NOS1: variants seen among roughly 807,000 people sequenced by gnomAD.
NOS1 encodes NOS type I.
Under a neutral mutation model 164.5 loss-of-function variants are expected in NOS1, and 51 were observed. The observed-to-expected ratio is 0.31, with a 90% CI of 0.25 to 0.39. The LOEUF (loss-of-function observed/expected upper bound fraction) is 0.39, where lower values mean the gene tolerates loss of function less well. NOS1 is among the 10% of genes least tolerant of loss of function. NOS1 has a pLI of 1.00. For synonymous variants in NOS1, 719 were observed against 745.8 expected (o/e 0.96, Z 0.59); for missense variants, 1,362 against 1,885.6 (o/e 0.72, Z 5.14).
chr12:117,309,392 G>A, intron 3 of NOS1: 1 of 985,302 alleles, frequency 1.0e-6, no homozygotes, highest in Non-Finnish European at 1.2e-6. Flanking sequence ...CAAGGCTCTA[G>A]AATGTCTCAT....
chr12:117,251,022 C>T (rs1245787565), intron 17 of NOS1, among the ~76,000 whole-genome samples: 3 of 152,142 alleles, frequency 2.0e-5, no homozygotes, highest in African/African-American at 4.8e-5. Context: ...GAAACCTAAC[C>T]CCCAATGTCA....
intron 3 of NOS1, among the ~76,000 whole-genome samples, chr12:117,308,529 C>A (rs61938728): frequency 0.28 from 42,023 of 151,196 alleles, 7,384 homozygotes; most frequent in Middle Eastern, 0.4. Context: ...CAGAGCAAGA[C>A]CTGTCTCTAA....
At position 117,319,163 on chromosome 12, in the gene NOS1, T is replaced by C. The variant is rs9658290; in HGVS notation, c.726-7571A>G. Among the ~76,000 whole-genome samples, 12 of 152,318 alleles carry C rather than the reference T, an allele frequency of 7.9e-5. No homozygotes were observed. In the South Asian group the frequency reaches 2.5e-3, roughly 32 times the overall value. ...AACTTCTGGGCTCAAGTGATCCTTC[T>C]GTCTCAGTTTCCTGAGTAGTAGGGA... On this transcript the variant is annotated intron_variant, in intron 2 of 28. Coordinates refer to ENST00000317775, the MANE Select transcript of NOS1 (RefSeq NM_000620.5).
intron 1 of NOS1, among the ~76,000 whole-genome samples, chr12:117,331,853 T>C (rs1875564065): frequency 6.6e-6 from 1 of 152,196 alleles, no homozygotes; most frequent in Non-Finnish European, 1.5e-5. Context: ...GCATTCTAGT[T>C]GCTCTCTGTG....
chr12:117,329,200 G>C (rs973140924), intron 2 of NOS1, among the ~76,000 whole-genome samples: 6 of 152,108 alleles, frequency 3.9e-5, no homozygotes, highest in Non-Finnish European at 5.9e-5. Context: ...CTCCCCAATG[G>C]CAGGGGATTT....
chr12:117,212,233 G>A lies in NOS1; in HGVS notation c.*3076C>T. 1 of 985,338 alleles carries A rather than the reference G, an allele frequency of 1.0e-6. No individual in the cohort carries two copies. Among genetic ancestry groups the A allele is most frequent in the Non-Finnish European group, 1.2e-6 (1 of 829,910 alleles). The allele number at this position is 985,338 out of a possible 1,614,324, so 61.0% of individuals were successfully genotyped here. ...CAGGTACTGTAACTGGGCATTTCGT[G>A]GGCATTGTCTCATTCAATCCACCTT... On this transcript the variant is annotated 3_prime_UTR_variant, in exon 29 of 29. Coordinates refer to ENST00000317775, the MANE Select transcript of NOS1 (RefSeq NM_000620.5).
At chr12:117,251,924 G>C (rs11068425) in intron 17 of NOS1, among the ~76,000 whole-genome samples, 1,934 of 151,942 alleles carry the variant, frequency 0.013, 18 homozygotes, top group East Asian at 0.055. Context: ...GTGGAAACAG[G>C]GTTTTGCTAT....
chr12:117,284,049 C>A (rs1219277968), intron 7 of NOS1, among the ~76,000 whole-genome samples: 1 of 152,114 alleles, frequency 6.6e-6, no homozygotes, highest in Non-Finnish European at 1.5e-5. Flanking sequence ...GCTTAGATTA[C>A]AGGCCGTTTT....
chr12:117,337,645 C>T (rs1019092944), intron 1 of NOS1, among the ~76,000 whole-genome samples: 11 of 152,204 alleles, frequency 7.2e-5, no homozygotes, highest in Non-Finnish European at 5.9e-5. Context: ...TTGCAAATAT[C>T]ACGTCACCTT....
At chr12:117,299,339 T>C (rs1873640103) in intron 3 of NOS1, among the ~76,000 whole-genome samples, 3 of 152,144 alleles carry the variant, frequency 2.0e-5, no homozygotes, top group Non-Finnish European at 4.4e-5. Context: ...GATAACTCCA[T>C]AGAAACTTGA....
chr12:117,284,652 A>G (rs1027177017), intron 7 of NOS1, among the ~76,000 whole-genome samples: 20 of 152,312 alleles, frequency 1.3e-4, no homozygotes, highest in African/African-American at 4.8e-4. Flanking sequence ...TCCAGGAAAG[A>G]TACTGAACTG....
chr12:117,264,384 T>A (rs997531971), intron 12 of NOS1, among the ~76,000 whole-genome samples: 1 of 152,126 alleles, frequency 6.6e-6, no homozygotes, highest in Non-Finnish European at 1.5e-5. Flanking sequence ...GGGATCCTCC[T>A]AACTCAGCCT....
Position 117,243,237 on chromosome 12 carries a change from A to G in NOS1, c.2962+60T>C. The G allele has an allele frequency of 1.3e-6, 2 of 1,597,982 alleles. No individual in the cohort carries two copies. Among genetic ancestry groups the G allele is most frequent in the Non-Finnish European group, 1.7e-6 (2 of 1,171,842 alleles). On this transcript the variant is annotated intron_variant, in intron 19 of 28. Coordinates refer to ENST00000317775, the MANE Select transcript of NOS1 (RefSeq NM_000620.5). This position sits in a 1 kb window ranked among gnomAD's most constrained non-coding sequence, Gnocchi z 4.3. ...CTTCTCTAAGCACCTTCTGGAGGTG[A>G]GATCACCTGCCTTTCCCCCATTGTC...
At chr12:117,226,874 C>T in intron 23 of NOS1, 104 bp from the exon 24 acceptor site, 1 of 847,168 alleles carries the variant, frequency 1.2e-6, no homozygotes, top group South Asian at 1.5e-5. Context: ...CCAAGTTTAT[C>T]CTTTGGAATT....
intron 17 of NOS1, among the ~76,000 whole-genome samples, chr12:117,249,644 T>C (rs1870927918): frequency 6.6e-6 from 1 of 152,216 alleles, no homozygotes; most frequent in Non-Finnish European, 1.5e-5. Flanking sequence ...TTGTAAGGTC[T>C]ATGAAATTAA....
intron 10 of NOS1, among the ~76,000 whole-genome samples, chr12:117,268,927 G>T (rs978282786): frequency 6.6e-6 from 1 of 151,942 alleles, no homozygotes; most frequent in African/African-American, 2.4e-5. Flanking sequence ...TGTTGGACTA[G>T]GTATGAAATA....
chr12:117,280,671 C>G, intron 8 of NOS1, 54 bp downstream of exon 8: 1 of 851,944 alleles, frequency 1.2e-6, no homozygotes, highest in East Asian at 3.6e-5. Context: ...AGTCTGTGGT[C>G]TGGGGACATA....
At chr12:117,280,216 G>C (rs369538731) in intron 8 of NOS1, among the ~76,000 whole-genome samples, 1 of 152,186 alleles carries the variant, frequency 6.6e-6, no homozygotes, top group East Asian at 1.9e-4. Context: ...ACCAGTAACT[G>C]TAGTGATGCT....
intron 7 of NOS1, among the ~76,000 whole-genome samples, chr12:117,283,910 T>C (rs1320666795): frequency 6.7e-6 from 1 of 150,372 alleles, no homozygotes; most frequent in East Asian, 2.0e-4. Flanking sequence ...ATAAACTCTT[T>C]GAGGGCCTAA....
Sources: allele counts gnomAD v4.1 joint callset (sites outside exome capture counted in the v4.1 genomes callset), GRCh38; gene constraint gnomAD v4.1.1; non-coding constraint Gnocchi (gnomAD v3.1); transcripts MANE v1.5; gene names NCBI Gene and HGNC (gene_info 2026-07-23, HGNC 2026-07-21).